Variants in PCDHGA2 observed in about 807,000 individuals in gnomAD.
PCDHGA2 encodes the protein protocadherin gamma subfamily A, 2, also known as protocadherin gamma-A2.
A neutral mutation model predicts 59.2 loss-of-function variants in PCDHGA2; 40 were observed. The ratio of observed to expected loss-of-function variants is 0.68; its 90% CI spans 0.52 to 0.88. The LOEUF (loss-of-function observed/expected upper bound fraction) is 0.88. Ranked by LOEUF, PCDHGA2 falls within the 40% of genes least tolerant of loss-of-function variation. The probability of loss-of-function intolerance (pLI) is 0.00; values close to 1 mark genes in which losing one functional copy is unlikely to be tolerated. For missense variants in PCDHGA2, 1,226 were observed against 1,204.0 expected (o/e 1.02, Z -0.27); for synonymous variants, 560 against 526.0 (o/e 1.06, Z -0.89).
chr5:141,511,381 G>A lies in PCDHGA2; in HGVS notation c.*208G>A, dbSNP rs545793377. 97 of 1,170,372 alleles carry A rather than the reference G, an allele frequency of 8.3e-5. No homozygotes were observed. In the East Asian group the frequency reaches 9.2e-4, roughly 11 times the overall value. 72.5% of individuals were successfully genotyped at this position (1,170,372 alleles called of 1,614,324 possible). On this transcript the variant is annotated 3_prime_UTR_variant, in exon 4 of 4. Transcript: ENST00000394576. ...GGGTTGAATATGCAAAAGCAGTTCC[G>A]CTGGGAACCCCCATCCAATCAACTG...
Position 141,490,457 on chromosome 5 carries a change from T to C in PCDHGA2, c.2425-4350T>C. 1 of 1,614,214 alleles carries C rather than the reference T, an allele frequency of 6.2e-7. No homozygotes were observed. Among genetic ancestry groups the C allele is most frequent in the Non-Finnish European group, 8.5e-7 (1 of 1,180,042 alleles). ...AAGCCTTCTGAGAACCACTACTCGC[T>C]GCTAACCAGCCAGCCTTTGGACCGG... On this transcript the variant is annotated intron_variant, in intron 1 of 3. Coordinates refer to ENST00000394576, the MANE Select transcript of PCDHGA2 (RefSeq NM_018915.4). The surrounding 1 kb of genome is among the most constrained non-coding windows in gnomAD (Gnocchi z 5.4).
chr5:141,428,495 T>C (rs1023405537), intron 1 of PCDHGA2: 3 of 295,346 alleles, frequency 1.0e-5, no homozygotes, highest in African/African-American at 6.5e-5. Flanking sequence ...AATCTGTATG[T>C]TCCCTCGGAT....
chr5:141,375,705 C>T, intron 1 of PCDHGA2: 7 of 1,614,280 alleles, frequency 4.3e-6, no homozygotes, highest in Non-Finnish European at 5.9e-6. Context: ...GGGGACCCGC[C>T]TCTTAGCAGC....
chr5:141,360,715 T>A (rs774393413), intron 1 of PCDHGA2: 4 of 1,613,776 alleles, frequency 2.5e-6, no homozygotes, highest in Non-Finnish European at 3.4e-6. Context: ...ATATCCTGAG[T>A]TGATTCTAAA....
chr5:141,409,953 CCGG>C (rs1418234891), intron 1 of PCDHGA2: 2 of 1,613,280 alleles, frequency 1.2e-6, no homozygotes, highest in Non-Finnish European at 1.7e-6. Flanking sequence ...TCTGCAGAGC[CCGG>C]CTACCTAGTG....
At chr5:141,510,626 AGGTG>A (rs2099882005) in intron 3 of PCDHGA2, among the ~76,000 whole-genome samples, 1 of 152,144 alleles carries the variant, frequency 6.6e-6, no homozygotes, top group Admixed American at 6.5e-5. Context: ...AAACCAGAAG[AGGTG>A]GTTACCATTA....
intron 1 of PCDHGA2, among the ~76,000 whole-genome samples, chr5:141,468,758 C>T (rs929005462): frequency 6.6e-5 from 10 of 151,684 alleles, no homozygotes; most frequent in African/African-American, 2.2e-4. Context: ...CCCAGCTACT[C>T]GGGAGGCTGA....
At chr5:141,375,420 A>G (rs777736413) in intron 1 of PCDHGA2, 6 of 1,614,002 alleles carry the variant, frequency 3.7e-6, no homozygotes, top group Admixed American at 3.3e-5. Flanking sequence ...GCAGACACCA[A>G]CGACAACCCG....
At position 141,477,577 on chromosome 5, in the gene PCDHGA2, G is replaced by T; in HGVS notation, c.2425-17230G>T. Reference sequence around the variant, plus strand: ...TAAGTGTCTGGGACCCCGACGCCCCGCAGAATGCTCGGCTTTCTTTCTTTC... The same window carrying T: ...TAAGTGTCTGGGACCCCGACGCCCCTCAGAATGCTCGGCTTTCTTTCTTTC... On this transcript the variant is annotated intron_variant, in intron 1 of 3. Transcript: ENST00000394576. The surrounding 1 kb of genome is among the most constrained non-coding windows in gnomAD (Gnocchi z 4.9). 1.2e-6 allele frequency: 2 copies of T among 1,614,124 alleles called. No homozygotes were observed. Among genetic ancestry groups the T allele is most frequent in the Non-Finnish European group, 1.7e-6 (2 of 1,180,020 alleles).
chr5:141,374,389 T>C (rs746806211), intron 1 of PCDHGA2: 1 of 1,614,028 alleles, frequency 6.2e-7, no homozygotes, highest in South Asian at 1.1e-5. Flanking sequence ...GCCCGCGGTG[T>C]CTGGTGAGTT....
At position 141,477,862 on chromosome 5, in the gene PCDHGA2, A is replaced by AGGT. The variant is rs753168325; in HGVS notation, c.2425-16944_2425-16942dup. 2.1e-5 allele frequency: 34 copies of AGGT among 1,613,138 alleles called. No individual in the cohort carries two copies. Among genetic ancestry groups the AGGT allele is most frequent in the Non-Finnish European group, 2.5e-5 (29 of 1,179,720 alleles). ...GGAGCTCGGTGGAGATGCTGCCTCG[A>AGGT]GGTACCTCAGCTGGCCACCTAGTGT... is the stretch of plus-strand genomic sequence containing the variant. On this transcript the variant is annotated intron_variant, in intron 1 of 3. Transcript: ENST00000394576. The surrounding 1 kb of genome is among the most constrained non-coding windows in gnomAD (Gnocchi z 4.9).
chr5:141,351,594 C>T, intron 1 of PCDHGA2: 1 of 1,614,090 alleles, frequency 6.2e-7, no homozygotes, highest in East Asian at 2.2e-5. Context: ...AACGACAATG[C>T]ACCTGTTTTC....
At chr5:141,385,413 G>T in intron 1 of PCDHGA2, 1 of 1,472,024 alleles carries the variant, frequency 6.8e-7, no homozygotes, top group South Asian at 1.5e-5. Context: ...TGAAAATAGG[G>T]ATTTAAAAAA....
chr5:141,389,234 C>A, intron 1 of PCDHGA2: 2 of 1,614,076 alleles, frequency 1.2e-6, no homozygotes, highest in Non-Finnish European at 1.7e-6. Context: ...CTCCGGTTTT[C>A]TCACAGTCTT....
chr5:141,506,253 G>A (rs1332023284), intron 3 of PCDHGA2, among the ~76,000 whole-genome samples: 2 of 151,862 alleles, frequency 1.3e-5, no homozygotes, highest in Non-Finnish European at 2.9e-5. Flanking sequence ...GTTCGAAACC[G>A]GCCTGGCCAA....
intron 1 of PCDHGA2, among the ~76,000 whole-genome samples, chr5:141,443,202 C>T (rs546748238): frequency 2.6e-5 from 4 of 152,172 alleles, no homozygotes; most frequent in Non-Finnish European, 1.5e-5. Flanking sequence ...GTACAAAGAG[C>T]TTGTCTCGCC....
intron 1 of PCDHGA2, among the ~76,000 whole-genome samples, chr5:141,484,685 T>G (rs2099599013): frequency 6.6e-6 from 1 of 151,934 alleles, no homozygotes; most frequent in Non-Finnish European, 1.5e-5. Flanking sequence ...TTGCTAGGGC[T>G]CAGGCTGTGG....
chr5:141,470,871 T>C (rs1036871133), intron 1 of PCDHGA2, among the ~76,000 whole-genome samples: 1 of 151,822 alleles, frequency 6.6e-6, no homozygotes, highest in Admixed American at 6.6e-5. Flanking sequence ...TGTTTGTTTG[T>C]TTTTTTGTTT....
intron 1 of PCDHGA2, among the ~76,000 whole-genome samples, chr5:141,434,854 A>G (rs2097723190): frequency 6.6e-6 from 1 of 151,936 alleles, no homozygotes; most frequent in Admixed American, 6.6e-5. Context: ...ACATCAATAA[A>G]TTTATATATA....
Sources: gnomAD v4.1 joint callset for allele counts (sites outside exome capture counted in the v4.1 genomes callset) on GRCh38, gnomAD v4.1.1 for gene constraint, Gnocchi (gnomAD v3.1) non-coding constraint, MANE v1.5 for transcripts, NCBI Gene and HGNC (gene_info 2026-07-23, HGNC 2026-07-21) for gene names.